The following HABP4 variants were observed in gnomAD, a reference collection of about 807,000 sequenced individuals.
The protein encoded by HABP4 is hyaluronan binding protein 4, also known as intracellular hyaluronan-binding protein 4.
Under a neutral mutation model 44.1 loss-of-function variants are expected in HABP4, and 32 were observed. The observed-to-expected ratio is 0.73, with a 90% CI of 0.55 to 0.97. The LOEUF (loss-of-function observed/expected upper bound fraction) is 0.97. Among genes scored for constraint, HABP4 ranks in the 50% least tolerant of loss-of-function variants. The pLI is 0.00. For synonymous variants in HABP4, 216 were observed against 218.0 expected, an observed-to-expected ratio of 0.99 and a Z score of 0.08; for missense variants, 503 against 561.9, an observed-to-expected ratio of 0.90 and a Z score of 1.06.
At chr9:96,455,737 G>A (rs1186213940) in intron 1 of HABP4, among the ~76,000 whole-genome samples, 1 of 151,870 alleles carries the variant, frequency 6.6e-6, no homozygotes, top group Non-Finnish European at 1.5e-5. Flanking sequence ...TGGCAGTCCA[G>A]CCTGGGTGAT....
chr9:96,485,116 G>A (rs1832947539), intron 6 of HABP4, among the ~76,000 whole-genome samples: 1 of 151,732 alleles, frequency 6.6e-6, no homozygotes, highest in South Asian at 2.1e-4. Flanking sequence ...GCAGTGGCGC[G>A]ATCTTGGCTC....
chr9:96,450,767 G>A lies in HABP4; in HGVS notation c.349+139G>A. Reference sequence around the variant, plus strand: ...CTGGTGGCCGCCGAAGGTAGGAGGAGAGGGGCAGGGGTCACACCCCTTCCA... The same window carrying A: ...CTGGTGGCCGCCGAAGGTAGGAGGAAAGGGGCAGGGGTCACACCCCTTCCA... On this transcript the variant is annotated intron_variant, in intron 1 of 7. Transcript: ENST00000375249. The surrounding 1 kb of genome is among the most constrained non-coding windows in gnomAD (Gnocchi z 4.8). 1.5e-6 allele frequency: 1 copy of A among 664,848 alleles called. No homozygotes were observed. The highest frequency in any genetic ancestry group is 2.1e-6 in the Non-Finnish European group (1 of 476,988). The allele number at this position is 664,848 out of a possible 1,614,324, so 41.2% of individuals were successfully genotyped here.
At chr9:96,475,276 T>C (rs1182949281) in intron 5 of HABP4, among the ~76,000 whole-genome samples, 2 of 150,840 alleles carry the variant, frequency 1.3e-5, no homozygotes, top group Non-Finnish European at 2.9e-5. Context: ...TTCAGGAGGC[T>C]GAGGCAGGAG....
chr9:96,450,463 G>A lies in HABP4; in HGVS notation c.184G>A (p.Ala62Thr), dbSNP rs1832248301. 8.1e-7 allele frequency: 1 copy of A among 1,230,820 alleles called. No individual in the cohort carries two copies. Among genetic ancestry groups the A allele is most frequent in the Non-Finnish European group, 1.0e-6 (1 of 982,090 alleles). The allele number at this position is 1,230,820 out of a possible 1,614,324, so 76.2% of individuals were successfully genotyped here. The change falls in exon 1 of 8, where the codon GCG (alanine) becomes ACG (threonine). Residue 62 changes from alanine to threonine, a missense_variant. Physicochemically the swap from Ala to Thr is moderately conservative, Grantham distance 58. Transcript: ENST00000375249. This position sits in a 1 kb window ranked among gnomAD's most constrained non-coding sequence, Gnocchi z 4.8. Reference protein sequence around the residue: ...QLQRKRRDEAAAAAGAGPRGG... With the variant: ...QLQRKRRDEATAAAGAGPRGG... ...GCAGCGCAAGAGGCGCGACGAGGCG[G>A]CGGCGGCGGCCGGGGCCGGTCCCCG...
intron 6 of HABP4, among the ~76,000 whole-genome samples, chr9:96,487,583 C>T (rs1361361126): frequency 2.6e-5 from 4 of 152,142 alleles, no homozygotes; most frequent in African/African-American, 9.7e-5. Context: ...TTATAATCAG[C>T]ACCCATGCTG....
Position 96,450,577 on chromosome 9 carries a change from GCGCCCGT to G in HABP4, c.302_308del (p.Pro101LeufsTer80). The G allele has an allele frequency of 7.8e-7, 1 of 1,280,972 alleles. No individual in the cohort carries two copies. Among genetic ancestry groups the G allele is most frequent in the Non-Finnish European group, 9.9e-7 (1 of 1,014,064 alleles). The allele number at this position is 1,280,972 out of a possible 1,614,324, so 79.4% of individuals were successfully genotyped here. A position where few individuals can be genotyped will look rare whatever the true frequency, so the allele number is the denominator to read the frequency against. On this transcript the variant is annotated frameshift_variant, in exon 1 of 8. Transcript: ENST00000375249. LOFTEE classifies it high-confidence loss of function. This position sits in a 1 kb window ranked among gnomAD's most constrained non-coding sequence, Gnocchi z 4.8. ...GCAGAAGGAGCGCAAGAGCCTCCCGGCGCCCGTCGCTCAGCGGCCCGATAGCCCCGGG... is the reference window on the plus strand; with the variant it reads ...GCAGAAGGAGCGCAAGAGCCTCCCGGCGCTCAGCGGCCCGATAGCCCCGGG...
In HABP4 at chr9:96,489,696, C is replaced by A. The variant is rs1245627763; in HGVS notation, c.1186-286C>A. Among the ~76,000 whole-genome samples, 7 of 152,238 alleles carry A rather than the reference C, an allele frequency of 4.6e-5. 1 individual carries two copies. Among genetic ancestry groups the A allele is most frequent in the African/African-American group, 1.7e-4 (7 of 41,460 alleles). On this transcript the variant is annotated intron_variant, in intron 7 of 7. Transcript: ENST00000375249. Reference sequence around the variant, plus strand: ...CCTCCAGTGCCCGGCACGCAGTAACCATTCTATTTACTCGATGAAGGACGT... The same window carrying A: ...CCTCCAGTGCCCGGCACGCAGTAACAATTCTATTTACTCGATGAAGGACGT...
chr9:96,482,541 A>G (rs961682498), intron 5 of HABP4, among the ~76,000 whole-genome samples: 4 of 152,168 alleles, frequency 2.6e-5, no homozygotes, highest in African/African-American at 7.2e-5. Flanking sequence ...AAAGTGTACA[A>G]TTCAGTGGCA....
At chr9:96,478,692 G>T (rs1224994190) in intron 5 of HABP4, among the ~76,000 whole-genome samples, 3 of 142,482 alleles carry the variant, frequency 2.1e-5, no homozygotes, top group African/African-American at 5.2e-5. Context: ...ACAAGATCTT[G>T]CTCTGTCACC....
chr9:96,450,669 C>G lies in HABP4; in HGVS notation c.349+41C>G. On this transcript the variant is annotated intron_variant, in intron 1 of 7. Coordinates refer to ENST00000375249, the MANE Select transcript of HABP4 (RefSeq NM_014282.4). This position sits in a 1 kb window ranked among gnomAD's most constrained non-coding sequence, Gnocchi z 4.8. ...GGGGTTAGCGGACCACGGCTCGGCC[C>G]GCTGTGAGACTGGGGTCCCGGGGGC... 1 of 1,234,578 alleles carries G rather than the reference C, an allele frequency of 8.1e-7. No individual in the cohort carries two copies. Among genetic ancestry groups the G allele is most frequent in the South Asian group, 3.4e-5 (1 of 29,434 alleles). The allele number at this position is 1,234,578 out of a possible 1,614,324, so 76.5% of individuals were successfully genotyped here. A position where few individuals can be genotyped will look rare whatever the true frequency, so the allele number is the denominator to read the frequency against.
At chr9:96,474,024 T>C (rs1004437822) in intron 5 of HABP4, among the ~76,000 whole-genome samples, 9 of 152,132 alleles carry the variant, frequency 5.9e-5, no homozygotes, top group Admixed American at 5.9e-4. Flanking sequence ...TGTAAAGATT[T>C]TGTGTGTGTG....
At chr9:96,485,677 G>A (rs1025745038) in intron 6 of HABP4, among the ~76,000 whole-genome samples, 9 of 152,276 alleles carry the variant, frequency 5.9e-5, no homozygotes, top group East Asian at 3.9e-4. Flanking sequence ...TCAAGTCCCC[G>A]ACTTGTTACT....
At position 96,470,928 on chromosome 9, in the gene HABP4, A is replaced by C; in HGVS notation, c.744-83A>C. 7.9e-6 allele frequency: 7 copies of C among 882,478 alleles called. No individual in the cohort carries two copies. The South Asian group carries it at 1.0e-4, about 13-fold the overall frequency. The allele number at this position is 882,478 out of a possible 1,614,324, so 54.7% of individuals were successfully genotyped here. A position where few individuals can be genotyped will look rare whatever the true frequency, so the allele number is the denominator to read the frequency against. ...AAAAAAAACCCAAAAAACCAAAAAAACAATGTTTTCTCCTTCTTAAACATA... is the reference window on the plus strand; with the variant it reads ...AAAAAAAACCCAAAAAACCAAAAAACCAATGTTTTCTCCTTCTTAAACATA... On this transcript the variant is annotated intron_variant, in intron 4 of 7. Transcript: ENST00000375249.
chr9:96,487,387 AATTT>A (rs1410791600), intron 6 of HABP4, among the ~76,000 whole-genome samples: 2 of 152,184 alleles, frequency 1.3e-5, no homozygotes, highest in African/African-American at 4.8e-5. Flanking sequence ...AGATTTAATT[AATTT>A]ATTTAATATA....
chr9:96,461,232 A>G (rs1051582623), intron 2 of HABP4, among the ~76,000 whole-genome samples: 1 of 152,242 alleles, frequency 6.6e-6, no homozygotes, highest in Non-Finnish European at 1.5e-5. Flanking sequence ...TGAACACTGA[A>G]AAATGATTAA....
Position 96,488,521 on chromosome 9 carries a change from G to A in HABP4, c.1185+247G>A, listed in dbSNP as rs1207616498. On this transcript the variant is annotated intron_variant, in intron 7 of 7. Transcript: ENST00000375249. This position sits in a 1 kb window ranked among gnomAD's most constrained non-coding sequence, Gnocchi z 4.6. ...TCCCGGGATCAGAGAGAAACTCACTGTCACCCGCATTAGACAAGATCCCCA... is the reference window on the plus strand; with the variant it reads ...TCCCGGGATCAGAGAGAAACTCACTATCACCCGCATTAGACAAGATCCCCA... Among the ~76,000 whole-genome samples the A allele has an allele frequency of 1.3e-5, 2 of 152,184 alleles. No individual in the cohort carries two copies. The highest frequency in any genetic ancestry group is 2.9e-5 in the Non-Finnish European group (2 of 68,036).
At chr9:96,461,897 TGTA>T (rs1832505864) in intron 2 of HABP4, among the ~76,000 whole-genome samples, 1 of 152,136 alleles carries the variant, frequency 6.6e-6, no homozygotes, top group East Asian at 1.9e-4. Flanking sequence ...GGCTCATGCC[TGTA>T]ATCCCAGCAC....
chr9:96,469,878 CTTAA>C (rs1832664279), intron 4 of HABP4, among the ~76,000 whole-genome samples: 1 of 152,246 alleles, frequency 6.6e-6, no homozygotes, highest in East Asian at 1.9e-4. Flanking sequence ...AATTTTGAAA[CTTAA>C]TTGTCTTTCA....
At chr9:96,463,380 A>G (rs1564161432) in intron 2 of HABP4, among the ~76,000 whole-genome samples, 1 of 152,036 alleles carries the variant, frequency 6.6e-6, no homozygotes, top group East Asian at 1.9e-4. Context: ...GCAGTCCCCC[A>G]AGTAGCTGAG....
Sources: allele counts gnomAD v4.1 joint callset (sites outside exome capture counted in the v4.1 genomes callset), GRCh38; gene constraint gnomAD v4.1.1; non-coding constraint Gnocchi (gnomAD v3.1); transcripts MANE v1.5; gene names NCBI Gene and HGNC (gene_info 2026-07-23, HGNC 2026-07-21).